The following CGGBP1 variants were observed in gnomAD, a reference collection of about 807,000 sequenced individuals.
CGGBP1 encodes the protein CGG triplet repeat binding protein 1.
In CGGBP1, 4 loss-of-function variants were observed where a neutral mutation model predicts 11.4. The ratio of observed to expected loss-of-function variants is 0.35; its 90% confidence interval spans 0.17 to 0.80. The LOEUF is 0.80. CGGBP1 is among the 30% of genes least tolerant of loss of function. The pLI is 0.52. For synonymous variants in CGGBP1, 76 were observed against 74.1 expected, an observed-to-expected ratio of 1.03 and a Z score of -0.13; for missense variants, 135 against 202.1, an observed-to-expected ratio of 0.67 and a Z score of 2.01.
chr3:88,064,109 CTTTT>C (rs34753092), intron 2 of CGGBP1, among the ~76,000 whole-genome samples: 2 of 147,902 alleles, frequency 1.4e-5, no homozygotes. Flanking sequence ...CGAGCTTCTT[CTTTT>C]TTTTTTTTTT....
chr3:88,128,688 A>G, intron 2 of CGGBP1: 1 of 659,028 alleles, frequency 1.5e-6, no homozygotes, highest in Non-Finnish European at 2.5e-6. Flanking sequence ...CTACTAAGGA[A>G]AATGCTATTT....
chr3:88,131,293 A>T (rs1302517864), intron 2 of CGGBP1, among the ~76,000 whole-genome samples: 4 of 152,222 alleles, frequency 2.6e-5, no homozygotes, highest in Admixed American at 6.5e-5. Context: ...TCTTCTGTTC[A>T]CTGAAATGTT....
intron 2 of CGGBP1, among the ~76,000 whole-genome samples, chr3:88,064,940 C>A (rs1707110425): frequency 6.6e-6 from 1 of 152,104 alleles, no homozygotes; most frequent in Admixed American, 6.5e-5. Flanking sequence ...GAAAGAGTAT[C>A]CTATTTTCTG....
At chr3:88,110,452 A>T (rs1705020185) in intron 2 of CGGBP1, among the ~76,000 whole-genome samples, 1 of 152,132 alleles carries the variant, frequency 6.6e-6, no homozygotes, top group African/African-American at 2.4e-5. Context: ...CTGATCATTG[A>T]ATTTCATGTA....
At chr3:88,136,301 C>T (rs528333736) in intron 2 of CGGBP1, among the ~76,000 whole-genome samples, 1 of 152,222 alleles carries the variant, frequency 6.6e-6, no homozygotes, top group South Asian at 2.1e-4. Flanking sequence ...TTCTTATTTT[C>T]ATATGTGGGG....
rs1265718190 is a variant in CGGBP1 at position 88,111,683 on chromosome 3, G to A, written c.-229+29287C>T. Among the ~76,000 whole-genome samples, 55 of 151,954 alleles carry A rather than the reference G, an allele frequency of 3.6e-4. 1 individual carries two copies. The highest frequency in any genetic ancestry group is 3.3e-3 in the Admixed American group (50 of 15,234). ...TGTTTCTGTCTTTGAGCTTATATATGTATATTTCGAGGATGAAATTTCTAT... is the reference window on the plus strand; with the variant it reads ...TGTTTCTGTCTTTGAGCTTATATATATATATTTCGAGGATGAAATTTCTAT... On this transcript the variant is annotated intron_variant, in intron 2 of 3. Coordinates refer to the CGGBP1 transcript ENST00000462901.
intron 2 of CGGBP1, chr3:88,139,975 C>G (rs771048970): frequency 6.2e-7 from 1 of 1,613,712 alleles, no homozygotes; most frequent in South Asian, 1.1e-5. Context: ...CATGCAATGA[C>G]CGTACATCCA....
intron 2 of CGGBP1, among the ~76,000 whole-genome samples, chr3:88,108,964 C>T (rs1704913161): frequency 1.3e-5 from 2 of 152,072 alleles, no homozygotes; most frequent in Non-Finnish European, 2.9e-5. Flanking sequence ...TTTAAAGCCA[C>T]ATGGTGCATG....
At chr3:88,059,075 C>A, upstream of CGGBP1, 1 of 729,258 alleles carries the variant, frequency 1.4e-6, no homozygotes, top group Non-Finnish European at 2.1e-6. Context: ...GTTTATCAAA[C>A]AGACTGTCGA....
chr3:88,115,208 T>C (rs999654079), intron 2 of CGGBP1, among the ~76,000 whole-genome samples: 4 of 152,208 alleles, frequency 2.6e-5, no homozygotes, highest in Non-Finnish European at 5.9e-5. Context: ...CAAGGTGATA[T>C]TAATGCTGCT....
chr3:88,102,020 T>C (rs1016392411), intron 2 of CGGBP1, among the ~76,000 whole-genome samples: 7 of 151,470 alleles, frequency 4.6e-5, no homozygotes, highest in Admixed American at 1.3e-4. Flanking sequence ...TACTGAGTTC[T>C]AAGAATTCTT....
intron 2 of CGGBP1, among the ~76,000 whole-genome samples, chr3:88,089,192 A>T (rs1428029060): frequency 5.4e-4 from 3 of 5,516 alleles, no homozygotes; most frequent in Admixed American, 0.013. Flanking sequence ...CTTACGTATT[A>T]AAAAAAAAAA....
intron 2 of CGGBP1, among the ~76,000 whole-genome samples, chr3:88,064,281 G>A (rs1707069463): frequency 6.6e-6 from 1 of 151,954 alleles, no homozygotes; most frequent in Admixed American, 6.6e-5. Context: ...GGAATCAGTT[G>A]GCCTAGTACA....
chr3:88,083,168 C>T (rs1316010178), intron 2 of CGGBP1, among the ~76,000 whole-genome samples: 1 of 152,188 alleles, frequency 6.6e-6, no homozygotes, highest in African/African-American at 2.4e-5. Context: ...GCCCTGTCTT[C>T]AAATACAGTC....
At chr3:88,125,600 C>T (rs1365830657) in intron 2 of CGGBP1, among the ~76,000 whole-genome samples, 2 of 152,064 alleles carry the variant, frequency 1.3e-5, no homozygotes, top group African/African-American at 4.8e-5. Flanking sequence ...ATCTAATTAT[C>T]CAACAAAGGG....
chr3:88,107,318 T>G (rs1360366225), intron 2 of CGGBP1, among the ~76,000 whole-genome samples: 1 of 152,214 alleles, frequency 6.6e-6, no homozygotes. Context: ...TACTTCAAAT[T>G]GTCAAAATTC....
chr3:88,107,912 CTG>C (rs1704842208), intron 2 of CGGBP1, among the ~76,000 whole-genome samples: 1 of 152,038 alleles, frequency 6.6e-6, no homozygotes, highest in Admixed American at 6.6e-5. Flanking sequence ...AATAAAGTCT[CTG>C]TGACTAACGT....
intron 2 of CGGBP1, among the ~76,000 whole-genome samples, chr3:88,109,965 T>C (rs1704989744): frequency 6.6e-6 from 1 of 152,124 alleles, no homozygotes; most frequent in Non-Finnish European, 1.5e-5. Flanking sequence ...TTAAGAATAA[T>C]TAGCCTGTTA....
chr3:88,112,359 A>T (rs1477438592), intron 2 of CGGBP1, among the ~76,000 whole-genome samples: 2 of 151,864 alleles, frequency 1.3e-5, no homozygotes, highest in East Asian at 3.8e-4. Context: ...ATTTAGAGGG[A>T]TTTGTCACTT....
Sources: allele counts gnomAD v4.1 joint callset (sites outside exome capture counted in the v4.1 genomes callset), GRCh38; gene constraint gnomAD v4.1.1; transcripts MANE v1.5; gene names NCBI Gene and HGNC (gene_info 2026-07-23, HGNC 2026-07-21).